The following NRP1 variants were observed in gnomAD, a reference collection of about 807,000 sequenced individuals.
The protein encoded by NRP1 is neuropilin 1, also known as neuropilin-1.
A neutral mutation model predicts 106.7 loss-of-function variants in NRP1; 35 were observed. The observed-to-expected ratio is 0.33, with a 90% CI of 0.25 to 0.43. The LOEUF (loss-of-function observed/expected upper bound fraction) is 0.43. Among genes scored for constraint, NRP1 ranks in the 20% least tolerant of loss-of-function variants. NRP1 has a pLI of 1.00. For synonymous variants in NRP1, 437 were observed against 417.9 expected, an observed-to-expected ratio of 1.05 and a Z score of -0.56; for missense variants, 1,024 against 1,170.4, an observed-to-expected ratio of 0.87 and a Z score of 1.83.
In NRP1 at chr10:33,282,261, T is replaced by C. The variant is rs1588913913; in HGVS notation, c.249-11405A>G. ...GCTCAAAAAGCCCCCTTAATTGGTATGGTGGAGGCACTAGGGTGCAATTTC... is the reference window on the plus strand; with the variant it reads ...GCTCAAAAAGCCCCCTTAATTGGTACGGTGGAGGCACTAGGGTGCAATTTC... On this transcript the variant is annotated intron_variant, in intron 2 of 16. Transcript: ENST00000374867. Among the ~76,000 whole-genome samples, 3 of 152,174 alleles carry C rather than the reference T, an allele frequency of 2.0e-5. No homozygotes were observed. In the South Asian group the frequency reaches 6.2e-4, roughly 32 times the overall value.
In NRP1 at chr10:33,270,958, A is replaced by T. The variant is rs571339177; in HGVS notation, c.249-102T>A. ...TCATCCAGCATAGTGTGCCAGGAAG[A>T]AAAAAAAGTTCTATCTGCATTCATC... is the stretch of plus-strand genomic sequence containing the variant. On this transcript the variant is annotated intron_variant, in intron 2 of 16. Coordinates refer to ENST00000374867, the MANE Select transcript of NRP1 (RefSeq NM_003873.7). 18 of 1,015,776 alleles carry T rather than the reference A, an allele frequency of 1.8e-5. No individual in the cohort carries two copies. The South Asian group carries it at 2.7e-4, about 15-fold the overall frequency. The allele number at this position is 1,015,776 out of a possible 1,614,324, so 62.9% of individuals were successfully genotyped here.
chr10:33,234,024 C>A (rs543887577), intron 6 of NRP1, among the ~76,000 whole-genome samples: 1 of 152,082 alleles, frequency 6.6e-6, no homozygotes, highest in Non-Finnish European at 1.5e-5. Flanking sequence ...TGAATGCAGT[C>A]GCTTTAGAGT....
intron 13 of NRP1, 140 bp from the exon 14 acceptor site, chr10:33,186,628 G>T: frequency 2.0e-6 from 2 of 983,108 alleles, no homozygotes; most frequent in South Asian, 1.8e-5. Context: ...GGATAAGTGT[G>T]CACACTTGGG....
At chr10:33,286,442 G>A (rs899876714) in intron 2 of NRP1, among the ~76,000 whole-genome samples, 7 of 152,044 alleles carry the variant, frequency 4.6e-5, no homozygotes, top group African/African-American at 1.7e-4. Flanking sequence ...CTGCTAATCT[G>A]GGACCATGCA....
chr10:33,307,636 C>CT (rs1168001000), intron 2 of NRP1, among the ~76,000 whole-genome samples: 3 of 152,154 alleles, frequency 2.0e-5, no homozygotes, highest in Non-Finnish European at 4.4e-5. Context: ...AGCAACCACA[C>CT]TTCTAGAAAT....
intron 2 of NRP1, among the ~76,000 whole-genome samples, chr10:33,327,857 C>T (rs1847999562): frequency 6.6e-6 from 1 of 152,096 alleles, no homozygotes; most frequent in Non-Finnish European, 1.5e-5. Flanking sequence ...GCTGGTCTTC[C>T]TATATCTTTC....
In NRP1 at chr10:33,306,482, A is replaced by G. The variant is rs146798326; in HGVS notation, c.248+24226T>C. ...AAGATTCTGAATTCAAAGCACCTTC[A>G]GAAGCAACAAGAGATTAAGACAGGC... is the stretch of plus-strand genomic sequence containing the variant. On this transcript the variant is annotated intron_variant, in intron 2 of 16. Transcript: ENST00000374867. Among the ~76,000 whole-genome samples, 318 of 152,296 alleles carry G rather than the reference A, an allele frequency of 2.1e-3. 5 individuals are homozygous for G. The highest frequency in any genetic ancestry group is 0.017 in the Admixed American group (259 of 15,294).
intron 8 of NRP1, among the ~76,000 whole-genome samples, chr10:33,218,338 CTTTCTTT>C (rs1564393160): frequency 6.7e-6 from 1 of 148,604 alleles, no homozygotes. Flanking sequence ...TTTCTTTTTT[CTTTCTTT>C]TTTTTTTTTT....
chr10:33,263,698 C>A lies in NRP1; in HGVS notation c.606G>T (p.Gly202=). The change falls in exon 4 of 17, where the codon GGG becomes GGT. Residue 202 remains glycine (G), a synonymous_variant. Transcript: ENST00000374867. ...FDLEPDSNPP[G]GMFCRYDRLE... ...GCCGGTCGTAGCGACAGAACATCCC[C>A]CCTGGAGGATTTGAGTCAGGCTCCA... The A allele has an allele frequency of 4.3e-6, 7 of 1,614,116 alleles. No individual in the cohort carries two copies. The highest frequency in any genetic ancestry group is 1.1e-5 in the South Asian group (1 of 91,086).
chr10:33,274,028 C>T (rs1362537728), intron 2 of NRP1, among the ~76,000 whole-genome samples: 3 of 152,140 alleles, frequency 2.0e-5, no homozygotes, highest in Non-Finnish European at 4.4e-5. Flanking sequence ...CTCATTTAGG[C>T]ATCTTCCCAT....
At chr10:33,221,424 C>T (rs1839232821) in intron 8 of NRP1, among the ~76,000 whole-genome samples, 1 of 152,140 alleles carries the variant, frequency 6.6e-6, no homozygotes, top group Non-Finnish European at 1.5e-5. Flanking sequence ...TATCCATTAT[C>T]TATTAATAAT....
At chr10:33,292,262 C>T (rs1413483711) in intron 2 of NRP1, among the ~76,000 whole-genome samples, 41 of 152,064 alleles carry the variant, frequency 2.7e-4, no homozygotes, top group Non-Finnish European at 2.9e-5. Flanking sequence ...TTTCCATAAA[C>T]TTCTCAAACA....
chr10:33,279,964 T>G (rs1473781679), intron 2 of NRP1, among the ~76,000 whole-genome samples: 1 of 152,198 alleles, frequency 6.6e-6, no homozygotes, highest in Non-Finnish European at 1.5e-5. Context: ...GAAAGCAGGA[T>G]AATGGATTGA....
chr10:33,310,680 G>GT (rs1344738385), intron 2 of NRP1, among the ~76,000 whole-genome samples: 1 of 152,120 alleles, frequency 6.6e-6, no homozygotes, highest in Non-Finnish European at 1.5e-5. Flanking sequence ...TCCTTTCCAT[G>GT]TTTCCTTCAG....
chr10:33,296,118 T>G (rs1392115713), intron 2 of NRP1, among the ~76,000 whole-genome samples: 1 of 152,226 alleles, frequency 6.6e-6, no homozygotes, highest in Non-Finnish European at 1.5e-5. Context: ...TGTAGGTATA[T>G]AATAAGATTA....
At position 33,306,869 on chromosome 10, in the gene NRP1, T is replaced by C. The variant is rs1846202847; in HGVS notation, c.248+23839A>G. Among the ~76,000 whole-genome samples the C allele has an allele frequency of 2.0e-5, 3 of 152,196 alleles. No individual in the cohort carries two copies. In the South Asian group the frequency reaches 6.2e-4, roughly 31 times the overall value. On this transcript the variant is annotated intron_variant, in intron 2 of 16. Transcript: ENST00000374867. ...AGAGACTTTGATTGAATCAATATTG[T>C]GTGAAATTAACTTGCAAACATGGTT...
intron 4 of NRP1, among the ~76,000 whole-genome samples, chr10:33,258,428 T>A (rs994030241): frequency 5.3e-5 from 8 of 152,106 alleles, no homozygotes; most frequent in Non-Finnish European, 1.2e-4. Flanking sequence ...AACCCCTCAC[T>A]CTCCCTCCAG....
intron 4 of NRP1, among the ~76,000 whole-genome samples, chr10:33,262,627 T>TGGGAGGCGGAGGTTGCA (rs1178428026): frequency 3.5e-5 from 5 of 144,660 alleles, no homozygotes; most frequent in Admixed American, 2.2e-4. Flanking sequence ...TGCTTGAACC[T>TGGGAGGCGGAGGTTGCA]GGGAGGCGGA....
At chr10:33,230,470 G>A (rs2132981051) in intron 6 of NRP1, among the ~76,000 whole-genome samples, 1 of 152,194 alleles carries the variant, frequency 6.6e-6, no homozygotes. Context: ...TTTGGGAAGG[G>A]GGCATAAATT....
Sources: gnomAD v4.1 joint callset for allele counts (sites outside exome capture counted in the v4.1 genomes callset) on GRCh38, gnomAD v4.1.1 for gene constraint, MANE v1.5 for transcripts, NCBI Gene and HGNC (gene_info 2026-07-23, HGNC 2026-07-21) for gene names.